TAOK3: variants seen among roughly 807,000 people sequenced by gnomAD.
TAOK3 encodes the protein TAO kinase 3.
Under a neutral mutation model 120.4 loss-of-function variants are expected in TAOK3, and 40 were observed. The observed-to-expected ratio is 0.33, with a 90% CI of 0.26 to 0.43. The LOEUF is 0.43. TAOK3 is among the 20% of genes least tolerant of loss of function. The pLI is 1.00. For synonymous variants in TAOK3, 355 were observed against 387.5 expected, an observed-to-expected ratio of 0.92 and a Z score of 0.99; for missense variants, 821 against 1,112.1, an observed-to-expected ratio of 0.74 and a Z score of 3.72.
rs528500468 is a variant in TAOK3 at position 118,308,019 on chromosome 12, A to G, written c.-193-41260T>C. 3.3e-5 allele frequency among the ~76,000 whole-genome samples: 5 copies of G among 152,156 alleles called. No homozygotes were observed. The East Asian group carries it at 9.7e-4, about 29-fold the overall frequency. On this transcript the variant is annotated intron_variant, in intron 1 of 20. Transcript: ENST00000392533. Reference sequence around the variant, plus strand: ...ACAACATTAAACAGTTATATCTGTAAATGTAAGAAGGTTAAGGCATTCTAA... The same window carrying G: ...ACAACATTAAACAGTTATATCTGTAGATGTAAGAAGGTTAAGGCATTCTAA...
chr12:118,335,202 T>A (rs888432362), intron 1 of TAOK3, among the ~76,000 whole-genome samples: 175 of 144,492 alleles, frequency 1.2e-3, no homozygotes, highest in Non-Finnish European at 2.0e-3. Flanking sequence ...AAAAAAAAAA[T>A]CTGTTTCAAG....
chr12:118,290,202 T>C (rs983895578), intron 1 of TAOK3, among the ~76,000 whole-genome samples: 2 of 152,106 alleles, frequency 1.3e-5, no homozygotes, highest in African/African-American at 4.8e-5. Context: ...CCAAACTCCT[T>C]GTAAAGGGCG....
rs918860967 is a variant in TAOK3 at position 118,309,067 on chromosome 12, G to A, written c.-193-42308C>T. 8.0e-5 allele frequency among the ~76,000 whole-genome samples: 12 copies of A among 149,932 alleles called. No homozygotes were observed. In the East Asian group the frequency reaches 8.1e-4, roughly 10 times the overall value. On this transcript the variant is annotated intron_variant, in intron 1 of 20. Coordinates refer to ENST00000392533, the MANE Select transcript of TAOK3 (RefSeq NM_016281.4). ...AATGTCACTGGGCACGGTGGCTCAC[G>A]CCTGTAATCCCAGCACTTTGGGAGG...
intron 1 of TAOK3, among the ~76,000 whole-genome samples, chr12:118,328,201 C>T (rs1250784600): frequency 2.6e-5 from 4 of 152,058 alleles, no homozygotes; most frequent in African/African-American, 7.2e-5. Flanking sequence ...GCTGGGATTA[C>T]AGCCACCCGC....
chr12:118,246,548 C>A, intron 3 of TAOK3: 2 of 1,548,222 alleles, frequency 1.3e-6, no homozygotes, highest in Non-Finnish European at 8.7e-7. Flanking sequence ...GTGGGGCCAT[C>A]ATCCTGGCCA....
chr12:118,310,293 C>T (rs2043216078), intron 1 of TAOK3, among the ~76,000 whole-genome samples: 1 of 152,152 alleles, frequency 6.6e-6, no homozygotes, highest in South Asian at 2.1e-4. Flanking sequence ...GAGACTGTGT[C>T]TCATAAATAA....
intron 1 of TAOK3, among the ~76,000 whole-genome samples, chr12:118,358,755 C>T (rs1333574959): frequency 6.6e-6 from 1 of 152,060 alleles, no homozygotes; most frequent in Non-Finnish European, 1.5e-5. Context: ...CACATGAATC[C>T]AATGACTTTT....
intron 1 of TAOK3, among the ~76,000 whole-genome samples, chr12:118,280,499 G>A (rs1191807009): frequency 6.6e-6 from 1 of 152,170 alleles, no homozygotes; most frequent in Non-Finnish European, 1.5e-5. Context: ...AAGATCAGAT[G>A]GTTGTAGGTG....
rs983321129 is a variant in TAOK3 at position 118,246,379 on chromosome 12, G to T, written c.121-1414C>A. 2.5e-6 allele frequency: 4 copies of T among 1,589,208 alleles called. No individual in the cohort carries two copies. The African/African-American group carries it at 4.0e-5, about 16-fold the overall frequency. On this transcript the variant is annotated intron_variant, in intron 3 of 20. Coordinates refer to ENST00000392533, the MANE Select transcript of TAOK3 (RefSeq NM_016281.4). The stretch of plus-strand genomic sequence containing the variant: ...TCAGAGATCATTGATTTCTTCCTGG[G>T]GGCCTCTCTCAAGGATGAGGTTTTG...
chr12:118,301,480 C>T (rs535788540), intron 1 of TAOK3, among the ~76,000 whole-genome samples: 1 of 152,246 alleles, frequency 6.6e-6, no homozygotes, highest in Admixed American at 6.5e-5. Flanking sequence ...TCATGAATGA[C>T]GATCCAGCAA....
At chr12:118,181,328 CTG>C in intron 15 of TAOK3, 41 bp downstream of exon 15, 1 of 1,520,122 alleles carries the variant, frequency 6.6e-7, no homozygotes, top group Non-Finnish European at 9.1e-7. Flanking sequence ...CCCCAACAGG[CTG>C]GGCTTGGTTG....
chr12:118,364,593 A>G (rs577444799), intron 1 of TAOK3, among the ~76,000 whole-genome samples: 1 of 152,336 alleles, frequency 6.6e-6, no homozygotes, highest in South Asian at 2.1e-4. Context: ...ACACACACAC[A>G]ATATGAAATT....
chr12:118,233,683 T>C lies in TAOK3; in HGVS notation c.634A>G (p.Ile212Val). 2 of 1,607,904 alleles carry C rather than the reference T, an allele frequency of 1.2e-6. No homozygotes were observed. Among genetic ancestry groups the C allele is most frequent in the Non-Finnish European group, 1.7e-6 (2 of 1,175,948 alleles). Residue 212 changes from isoleucine (I) to valine (V), a missense_variant, in exon 9 of 21, where the codon ATT (isoleucine) becomes GTT (valine). Ile to Val is a conservative substitution (Grantham distance 29). Around this residue, in one of 2 missense-constraint regions of TAOK3, gnomAD observed 467 missense variants for 540.0 expected, o/e 0.86. Coordinates refer to ENST00000392533, the MANE Select transcript of TAOK3 (RefSeq NM_016281.4). The part of the protein sequence containing the change: ...VDIWSLGITC[I>V]ELAERKPPLF... ...ATAACTCTTTACTCACCCAATTCAA[T>C]ACAAGTGATGCCAAGTGACCAAATA...
rs201354242 is a variant in TAOK3, at chr12:118,161,746, C to T, written c.2139+42G>A. The T allele has an allele frequency of 2.5e-6, 4 of 1,605,244 alleles. No homozygotes were observed. The East Asian group carries it at 6.7e-5, about 27-fold the overall frequency. Reference sequence around the variant, plus strand: ...GACTCTGACACTTCAGGTAGAGAAACCACTGATCTGGTCCAACACTGTCCA... The same window carrying T: ...GACTCTGACACTTCAGGTAGAGAAATCACTGATCTGGTCCAACACTGTCCA... On this transcript the variant is annotated intron_variant, in intron 18 of 20. Transcript: ENST00000392533. The surrounding 1 kb of genome is among the most constrained non-coding windows in gnomAD (Gnocchi z 4.5).
rs1259670331 is a variant in TAOK3 at position 118,371,327 on chromosome 12, GA to G, written c.-194+1320del. Among the ~76,000 whole-genome samples, 1 of 152,118 alleles carries G rather than the reference GA, an allele frequency of 6.6e-6. No individual in the cohort carries two copies. Among genetic ancestry groups the G allele is most frequent in the Non-Finnish European group, 1.5e-5 (1 of 68,004 alleles). On this transcript the variant is annotated intron_variant, in intron 1 of 20. Transcript: ENST00000392533. The surrounding 1 kb of genome is among the most constrained non-coding windows in gnomAD (Gnocchi z 5.5). Reference sequence around the variant, plus strand: ...CACCTGACCTTTTCATTAAGATCAGGAAGCCCCTCGCTTTCAAGACATCCAC... The same window carrying G: ...CACCTGACCTTTTCATTAAGATCAGGAGCCCCTCGCTTTCAAGACATCCAC...
intron 1 of TAOK3, among the ~76,000 whole-genome samples, chr12:118,322,063 C>T (rs1726850514): frequency 1.3e-5 from 2 of 151,998 alleles, no homozygotes; most frequent in South Asian, 4.2e-4. Context: ...GCCTGTAATC[C>T]CAGCACTTTG....
chr12:118,164,998 C>A (rs1436048684), intron 17 of TAOK3, among the ~76,000 whole-genome samples: 1 of 152,082 alleles, frequency 6.6e-6, no homozygotes, highest in African/African-American at 2.4e-5. Context: ...GTTGTAGGAA[C>A]TAGGGATAGA....
intron 1 of TAOK3, among the ~76,000 whole-genome samples, chr12:118,361,892 A>G (rs2045610105): frequency 6.6e-6 from 1 of 150,744 alleles, no homozygotes. Context: ...CCAGGTAGTG[A>G]GCATAGTCAA....
At position 118,371,749 on chromosome 12, in the gene TAOK3, G is replaced by A. The variant is rs1021980740; in HGVS notation, c.-194+899C>T. ...CCCGCTCCCTCGCTGCTCACGCCGGGCCCCCGCTATGTGACTGGGGGCCCG... is the reference window on the plus strand; with the variant it reads ...CCCGCTCCCTCGCTGCTCACGCCGGACCCCCGCTATGTGACTGGGGGCCCG... On this transcript the variant is annotated intron_variant, in intron 1 of 20. Transcript: ENST00000392533. The surrounding 1 kb of genome is among the most constrained non-coding windows in gnomAD (Gnocchi z 5.5). Among the ~76,000 whole-genome samples the A allele has an allele frequency of 2.6e-5, 4 of 151,970 alleles. No individual in the cohort carries two copies. The highest frequency in any genetic ancestry group is 9.7e-5 in the African/African-American group (4 of 41,398).
Sources: allele counts gnomAD v4.1 joint callset (sites outside exome capture counted in the v4.1 genomes callset), GRCh38; gene constraint gnomAD v4.1.1; regional missense constraint gnomAD v4.1.1; non-coding constraint Gnocchi (gnomAD v3.1); transcripts MANE v1.5; gene names NCBI Gene and HGNC (gene_info 2026-07-23, HGNC 2026-07-21).